The following ZBTB16 variants were observed in gnomAD, a reference collection of about 807,000 sequenced individuals.
ZBTB16 encodes zinc finger and BTB domain containing 16, also known as zinc finger and BTB domain-containing protein 16.
Under a neutral mutation model 56.8 loss-of-function variants are expected in ZBTB16, and 8 were observed. That is an observed-to-expected ratio of 0.14 (90% CI 0.08 to 0.25). The LOEUF (loss-of-function observed/expected upper bound fraction) is 0.25, where lower values mean the gene tolerates loss of function less well. Among genes scored for constraint, ZBTB16 ranks in the 10% least tolerant of loss-of-function variants. The pLI is 1.00. For missense variants in ZBTB16, 625 were observed against 903.0 expected (o/e 0.69, Z 3.95); for synonymous variants, 363 against 368.5 (o/e 0.98, Z 0.17).
intron 4 of ZBTB16, among the ~76,000 whole-genome samples, chr11:114,239,327 G>T (rs992076405): frequency 6.6e-6 from 1 of 152,072 alleles, no homozygotes; most frequent in Non-Finnish European, 1.5e-5. Flanking sequence ...GGGCATGGCT[G>T]GCCTCCAAAG....
chr11:114,220,281 T>C (rs1011432729), intron 4 of ZBTB16, among the ~76,000 whole-genome samples: 1 of 152,194 alleles, frequency 6.6e-6, no homozygotes, highest in Non-Finnish European at 1.5e-5. Flanking sequence ...TCTAATGACA[T>C]AGCCCAGGCC....
intron 6 of ZBTB16, among the ~76,000 whole-genome samples, chr11:114,249,537 G>A (rs11214914): frequency 0.13 from 17,847 of 141,328 alleles, 1,359 homozygotes; most frequent in Middle Eastern, 0.16. Flanking sequence ...AGGCCGAGGC[G>A]GGTGGATCTT....
At chr11:114,121,939 C>A in intron 2 of ZBTB16, 2 of 434,354 alleles carry the variant, frequency 4.6e-6, no homozygotes, top group South Asian at 1.6e-5. Flanking sequence ...AAGGTACTGG[C>A]TGTCCTCTAA....
chr11:114,093,091 T>C (rs1316250078), intron 2 of ZBTB16, among the ~76,000 whole-genome samples: 1 of 152,208 alleles, frequency 6.6e-6, no homozygotes, highest in East Asian at 1.9e-4. Flanking sequence ...CCTCATAATG[T>C]TGACTTTACT....
chr11:114,244,788 C>T (rs1047261205), intron 5 of ZBTB16, among the ~76,000 whole-genome samples: 1 of 152,050 alleles, frequency 6.6e-6, no homozygotes, highest in African/African-American at 2.4e-5. Flanking sequence ...TGTCTTAACC[C>T]TTTGTTTTTT....
intron 5 of ZBTB16, among the ~76,000 whole-genome samples, chr11:114,243,287 C>G (rs1283281518): frequency 6.6e-6 from 1 of 152,248 alleles, no homozygotes; most frequent in Admixed American, 6.5e-5. Flanking sequence ...GTAAAAACCT[C>G]TGCATGCCAC....
chr11:114,194,335 G>A (rs1943561318), intron 4 of ZBTB16, among the ~76,000 whole-genome samples: 1 of 152,102 alleles, frequency 6.6e-6, no homozygotes, highest in Non-Finnish European at 1.5e-5. Context: ...CAAGAGAATG[G>A]CATGTTCACA....
intron 2 of ZBTB16, among the ~76,000 whole-genome samples, chr11:114,065,850 G>A (rs1939096066): frequency 6.6e-6 from 1 of 152,196 alleles, no homozygotes; most frequent in South Asian, 2.1e-4. Flanking sequence ...CTGCCTCTTG[G>A]AGTCACTTAG....
rs118115519 is a variant in ZBTB16 at position 114,185,426 on chromosome 11, G to A, written c.1367-1526G>A. On this transcript the variant is annotated intron_variant, in intron 3 of 6. Transcript: ENST00000335953. ...AGGTAAGTGGTGCCCAGAGAGGGCC[G>A]GTGAGGACAGCTTACCTATGGAGGT... Among the ~76,000 whole-genome samples the A allele has an allele frequency of 3.5e-4, 53 of 152,324 alleles. No homozygotes were observed. In the East Asian group the frequency reaches 8.5e-3, roughly 24 times the overall value.
At chr11:114,180,576 C>G (rs1409735817) in intron 3 of ZBTB16, among the ~76,000 whole-genome samples, 2 of 152,192 alleles carry the variant, frequency 1.3e-5, no homozygotes, top group Non-Finnish European at 2.9e-5. Context: ...TACCTGAGAC[C>G]TAGCCAGAGA....
rs1944191445 is a variant in ZBTB16, at chr11:114,219,849, T to G, written c.1454-22318T>G. 3.3e-5 allele frequency among the ~76,000 whole-genome samples: 5 copies of G among 152,132 alleles called. No homozygotes were observed. The South Asian group carries it at 8.3e-4, about 25-fold the overall frequency. Reference sequence around the variant, plus strand: ...TCTCCAGTCTGTTGGGCTTGGGGTCTGGAAGCCTTGGAAAGCCTGGGGTGA... The same window carrying G: ...TCTCCAGTCTGTTGGGCTTGGGGTCGGGAAGCCTTGGAAAGCCTGGGGTGA... On this transcript the variant is annotated intron_variant, in intron 4 of 6. Coordinates refer to ENST00000335953, the MANE Select transcript of ZBTB16 (RefSeq NM_006006.6).
chr11:114,148,429 C>CTGTCTGTCTCTG (rs1942184607), intron 2 of ZBTB16, among the ~76,000 whole-genome samples: 1 of 34,300 alleles, frequency 2.9e-5, no homozygotes, highest in Non-Finnish European at 7.3e-5. Flanking sequence ...CCCTCCCTCT[C>CTGTCTGTCTCTG]TCTCTCTTTC....
chr11:114,062,272 T>C (rs1419136734), intron 1 of ZBTB16, among the ~76,000 whole-genome samples: 4 of 150,676 alleles, frequency 2.7e-5, no homozygotes, highest in African/African-American at 9.8e-5. Context: ...CCTGGCTAAT[T>C]TTGTATTTTT....
intron 2 of ZBTB16, among the ~76,000 whole-genome samples, chr11:114,141,319 C>T (rs534250681): frequency 3.5e-4 from 53 of 152,280 alleles, no homozygotes; most frequent in African/African-American, 1.3e-3. Flanking sequence ...ATCCTCAGAC[C>T]GTCTGCAGTG....
chr11:114,140,518 A>G (rs1941918290), intron 2 of ZBTB16, among the ~76,000 whole-genome samples: 1 of 152,230 alleles, frequency 6.6e-6, no homozygotes, highest in South Asian at 2.1e-4. Context: ...TCTCCTAGCC[A>G]TGTTGAGTTG....
chr11:114,133,206 G>A (rs1317651933), intron 2 of ZBTB16, among the ~76,000 whole-genome samples: 1 of 152,130 alleles, frequency 6.6e-6, no homozygotes, highest in East Asian at 1.9e-4. Flanking sequence ...TCTCTTGGTG[G>A]ACGGGTCCAT....
intron 4 of ZBTB16, among the ~76,000 whole-genome samples, chr11:114,202,825 T>A (rs1483551593): frequency 6.6e-6 from 1 of 152,170 alleles, no homozygotes; most frequent in Non-Finnish European, 1.5e-5. Flanking sequence ...GACAGGCAGG[T>A]ATCACTTATT....
intron 2 of ZBTB16, among the ~76,000 whole-genome samples, chr11:114,118,272 G>A (rs930771151): frequency 1.3e-5 from 2 of 152,280 alleles, no homozygotes; most frequent in Non-Finnish European, 2.9e-5. Context: ...CACCTCCTGG[G>A]TTCAAGTTAT....
At chr11:114,233,567 C>T (rs944171688) in intron 4 of ZBTB16, among the ~76,000 whole-genome samples, 4 of 152,038 alleles carry the variant, frequency 2.6e-5, no homozygotes, top group African/African-American at 9.7e-5. Flanking sequence ...CCTCTTAACC[C>T]GTTTATTCTC....
Sources: gnomAD v4.1 joint callset for allele counts (sites outside exome capture counted in the v4.1 genomes callset) on GRCh38, gnomAD v4.1.1 for gene constraint, MANE v1.5 for transcripts, NCBI Gene and HGNC (gene_info 2026-07-23, HGNC 2026-07-21) for gene names.